DNAH17: variants seen among roughly 807,000 people sequenced by gnomAD.
DNAH17 encodes dynein axonemal heavy chain 17.
DNAH17 carries 376 observed loss-of-function variants against 485.6 expected under a neutral mutation model. That is an observed-to-expected ratio of 0.77 (90% CI 0.71 to 0.84). The LOEUF (loss-of-function observed/expected upper bound fraction) is 0.84. Among genes scored for constraint, DNAH17 ranks in the 40% least tolerant of loss-of-function variants. The pLI, the probability that DNAH17 is intolerant of heterozygous loss-of-function variation, is 0.00. For synonymous variants in DNAH17, 3,031 were observed against 2,405.9 expected (o/e 1.26, Z -7.60); for missense variants, 6,370 against 5,839.3 (o/e 1.09, Z -2.96).
intron 59 of DNAH17, 60 bp from the exon 60 acceptor site, chr17:78,460,061 C>T: frequency 6.3e-7 from 1 of 1,596,198 alleles, no homozygotes; most frequent in Non-Finnish European, 8.5e-7. Flanking sequence ...CGGTGATGCC[C>T]CGAAGAAGCC....
chr17:78,527,118 C>G (rs2091099716), intron 22 of DNAH17, 122 bp from the exon 23 acceptor site: 7 of 758,620 alleles, frequency 9.2e-6, no homozygotes, highest in Non-Finnish European at 1.5e-5. Context: ...CGCGGTGGCT[C>G]ACACCTGTAA....
At position 78,439,352 on chromosome 17, in the gene DNAH17, T is replaced by G. The variant is rs189287176; in HGVS notation, c.11678-135A>C. 2.3e-4 allele frequency: 249 copies of G among 1,095,498 alleles called. No homozygotes were observed. In the African/African-American group the frequency reaches 3.0e-3, roughly 13 times the overall value. 67.9% of individuals were successfully genotyped at this position (1,095,498 alleles called of 1,614,324 possible). A position where few individuals can be genotyped will look rare whatever the true frequency, so the allele number is the denominator to read the frequency against. Reference sequence around the variant, plus strand: ...GGTGAAATACACATGACATAAAACTTGCTGTTTTAAAACCCATCTTAAAGC... The same window carrying G: ...GGTGAAATACACATGACATAAAACTGGCTGTTTTAAAACCCATCTTAAAGC... On this transcript the variant is annotated intron_variant, in intron 72 of 80. Transcript: ENST00000389840.
At chr17:78,447,027 C>A (rs1287491175) in intron 69 of DNAH17, among the ~76,000 whole-genome samples, 1 of 152,134 alleles carries the variant, frequency 6.6e-6, no homozygotes, top group African/African-American at 2.4e-5. Context: ...CAGCCTTGAA[C>A]TCTTGGGCTC....
chr17:78,500,433 G>A lies in DNAH17; in HGVS notation c.5512C>T (p.His1838Tyr). 1 of 1,604,744 alleles carries A rather than the reference G, an allele frequency of 6.2e-7. No individual in the cohort carries two copies. The highest frequency in any genetic ancestry group is 8.5e-7 in the Non-Finnish European group (1 of 1,177,058). Reference protein sequence around the residue: ...RCYITLTQSLHLIMGGAPAGP... With the variant: ...RCYITLTQSLYLIMGGAPAGP... ...GCAGGGGCTCCACCCATGATGAGAT[G>A]GAGGGACTGGGTCAGGGTGATATAG... Residue 1838 changes from histidine (H) to tyrosine (Y), a missense_variant, in exon 36 of 81, where the codon CAT (histidine) becomes TAT (tyrosine). Transcript: ENST00000389840.
intron 47 of DNAH17, 39 bp from the exon 48 acceptor site, chr17:78,485,072 C>T: frequency 6.4e-7 from 1 of 1,564,014 alleles, no homozygotes; most frequent in Non-Finnish European, 8.6e-7. Context: ...CCTGCGCCTC[C>T]TGAGCCAGAG....
chr17:78,562,335 A>G (rs2092174833), intron 11 of DNAH17, among the ~76,000 whole-genome samples: 1 of 152,128 alleles, frequency 6.6e-6, no homozygotes, highest in Non-Finnish European at 1.5e-5. Flanking sequence ...TGTTATTCCA[A>G]CACTTTGAGG....
chr17:78,495,850 A>G (rs377129109), intron 38 of DNAH17, 25 bp downstream of exon 38: 13 of 1,602,846 alleles, frequency 8.1e-6, no homozygotes. Flanking sequence ...CACTGCAGCC[A>G]CTCACTTTCA....
chr17:78,551,873 G>C (rs1379366493), intron 15 of DNAH17, among the ~76,000 whole-genome samples: 1 of 151,508 alleles, frequency 6.6e-6, no homozygotes, highest in Non-Finnish European at 1.5e-5. Flanking sequence ...TGAGGCAGTA[G>C]AATAGCTTGA....
intron 65 of DNAH17, among the ~76,000 whole-genome samples, chr17:78,453,086 A>AC (rs1362909095): frequency 6.6e-6 from 1 of 152,240 alleles, no homozygotes; most frequent in Non-Finnish European, 1.5e-5. Flanking sequence ...GACAGACATC[A>AC]CCTTCAAGCC....
chr17:78,501,791 G>A lies in DNAH17; in HGVS notation c.5273C>T (p.Thr1758Ile), dbSNP rs759239508. 4 of 1,613,966 alleles carry A rather than the reference G, an allele frequency of 2.5e-6. No homozygotes were observed. In the South Asian group the frequency reaches 3.3e-5, roughly 13 times the overall value. Residue 1758 changes from threonine to isoleucine, a missense_variant, in exon 34 of 81, where the codon ACC becomes ATC. Coordinates refer to ENST00000389840, the MANE Select transcript of DNAH17 (RefSeq NM_173628.4). ...GDRMKIMTIC[T>I]IDVHARDVVA... is the part of the protein sequence containing the mutation. ...CACGTCCCGTGCGTGCACATCGATG[G>A]TGCAGATGGTCATGATCTTCATCCT...
chr17:78,473,041 T>A (rs1260074402), intron 54 of DNAH17, among the ~76,000 whole-genome samples: 2 of 152,164 alleles, frequency 1.3e-5, no homozygotes, highest in African/African-American at 4.8e-5. Flanking sequence ...CTCCAGCAGG[T>A]GCCACAGCTT....
chr17:78,570,546 C>A (rs151116839), intron 6 of DNAH17, among the ~76,000 whole-genome samples, 174 bp from the exon 7 acceptor site: 3 of 152,032 alleles, frequency 2.0e-5, no homozygotes, highest in African/African-American at 7.2e-5. Flanking sequence ...AAGAAACCCA[C>A]GGCCCCACAT....
At chr17:78,548,474 G>A (rs917665312) in intron 16 of DNAH17, among the ~76,000 whole-genome samples, 4 of 152,124 alleles carry the variant, frequency 2.6e-5, no homozygotes, top group Non-Finnish European at 5.9e-5. Flanking sequence ...AAAGTGCTGG[G>A]ATTACACGCA....
At chr17:78,491,147 G>A (rs1054549694) in intron 43 of DNAH17, among the ~76,000 whole-genome samples, 1 of 152,218 alleles carries the variant, frequency 6.6e-6, no homozygotes, top group African/African-American at 2.4e-5. Context: ...TCCAACTGAG[G>A]AGCATTTTTA....
chr17:78,574,671 G>A (rs752483024), intron 2 of DNAH17, 42 bp downstream of exon 2: 15 of 1,531,228 alleles, frequency 9.8e-6, no homozygotes, highest in Middle Eastern at 2.3e-4. Context: ...CCGAGAAGTC[G>A]GTCGTGCTCG....
chr17:78,553,283 G>GGTT (rs2091944708), intron 14 of DNAH17, among the ~76,000 whole-genome samples: 876 of 50,972 alleles, frequency 0.017, 108 homozygotes, highest in East Asian at 0.041. Context: ...AGGTTTTTGT[G>GGTT]TTTTTTTTTT....
At chr17:78,466,402 C>G (rs1464596862) in intron 56 of DNAH17, among the ~76,000 whole-genome samples, 3 of 151,828 alleles carry the variant, frequency 2.0e-5, no homozygotes, top group Non-Finnish European at 2.9e-5. Flanking sequence ...CCTGCCAAGT[C>G]CCCCTCTGTG....
chr17:78,446,943 CTTG>C (rs1288039977), intron 69 of DNAH17, among the ~76,000 whole-genome samples: 6 of 152,158 alleles, frequency 3.9e-5, no homozygotes, highest in Non-Finnish European at 4.4e-5. Context: ...TGTGCCCGGC[CTTG>C]TTGTCTTTGA....
chr17:78,538,732 C>T (rs1032549216), intron 18 of DNAH17, among the ~76,000 whole-genome samples: 1 of 152,128 alleles, frequency 6.6e-6, no homozygotes, highest in Non-Finnish European at 1.5e-5. Flanking sequence ...TCTGTAGTGA[C>T]GAGTACTTTC....
Sources: allele counts gnomAD v4.1 joint callset (sites outside exome capture counted in the v4.1 genomes callset), GRCh38; gene constraint gnomAD v4.1.1; transcripts MANE v1.5; gene names NCBI Gene and HGNC (gene_info 2026-07-23, HGNC 2026-07-21).